GALNT8: variants seen among roughly 807,000 people sequenced by gnomAD.
GALNT8 encodes the protein probable polypeptide N-acetylgalactosaminyltransferase 8.
In GALNT8, 66 loss-of-function variants were observed where a neutral mutation model predicts 62.7. The observed-to-expected ratio is 1.05, with a 90% CI of 0.86 to 1.29. The LOEUF (loss-of-function observed/expected upper bound fraction) is 1.29. GALNT8 is among the 50% of genes most tolerant of loss of function. GALNT8 has a pLI of 0.00. For synonymous variants in GALNT8, 288 were observed against 294.3 expected (o/e 0.98, Z 0.22); for missense variants, 771 against 791.8 (o/e 0.97, Z 0.32).
At chr12:4,751,550 T>C (rs1456077151) in intron 6 of GALNT8, among the ~76,000 whole-genome samples, 1 of 152,178 alleles carries the variant, frequency 6.6e-6, no homozygotes, top group East Asian at 1.9e-4. Context: ...TTAATTTCCA[T>C]GTGTCTGTAT....
intron 1 of GALNT8, among the ~76,000 whole-genome samples, chr12:4,724,213 G>A (rs567203613): frequency 1.4e-5 from 2 of 145,124 alleles, no homozygotes; most frequent in African/African-American, 5.1e-5. Context: ...AATCATGTAA[G>A]CTACCAAGAG....
At chr12:4,742,548 T>A (rs1565384873) in intron 3 of GALNT8, among the ~76,000 whole-genome samples, 3 of 152,170 alleles carry the variant, frequency 2.0e-5, no homozygotes, top group Admixed American at 2.0e-4. Context: ...GATACCTTAA[T>A]GTGTGAAGAA....
rs1018769837 is a variant in GALNT8 at position 4,761,733 on chromosome 12, C to T, written c.1359+590C>T. ...GCCCCTGCACCCAGCCAAGGTTGGC[C>T]TTCTGAGCTAAGCCCACATCTTATA... On this transcript the variant is annotated intron_variant, in intron 7 of 10. Transcript: ENST00000252318. Among the ~76,000 whole-genome samples the T allele has an allele frequency of 1.1e-4, 17 of 152,236 alleles. No individual in the cohort carries two copies. The East Asian group carries it at 2.1e-3, about 19-fold the overall frequency.
At chr12:4,734,047 C>T (rs1362642572) in intron 2 of GALNT8, among the ~76,000 whole-genome samples, 1 of 152,174 alleles carries the variant, frequency 6.6e-6, no homozygotes, top group Non-Finnish European at 1.5e-5. Flanking sequence ...GTAAGAATAG[C>T]AGATAACCTT....
rs1017488504 is a variant in GALNT8 at position 4,749,718 on chromosome 12, A to G, written c.1173+3460A>G. 2.0e-5 allele frequency among the ~76,000 whole-genome samples: 3 copies of G among 151,692 alleles called. No homozygotes were observed. The highest frequency in any genetic ancestry group is 7.3e-5 in the African/African-American group (3 of 41,328). ...AAATGTTCCCTCCTGTATTTTTTGG[A>G]AAAATTTAAGTAGGATTGGTACTAG... On this transcript the variant is annotated intron_variant, in intron 6 of 10. Coordinates refer to ENST00000252318, the MANE Select transcript of GALNT8 (RefSeq NM_017417.2). The surrounding 1 kb of genome is among the most constrained non-coding windows in gnomAD (Gnocchi z 4.1).
chr12:4,738,361 C>T (rs1946255406), intron 2 of GALNT8, among the ~76,000 whole-genome samples: 1 of 152,110 alleles, frequency 6.6e-6, no homozygotes, highest in South Asian at 2.1e-4. Context: ...TAGGGGTTGG[C>T]AAGAGTTTCT....
intron 3 of GALNT8, among the ~76,000 whole-genome samples, chr12:4,743,580 C>T (rs543316505): frequency 1.3e-5 from 2 of 152,242 alleles, no homozygotes; most frequent in Admixed American, 1.3e-4. Context: ...GTAAACCCAA[C>T]CAGGTACTCA....
intron 6 of GALNT8, among the ~76,000 whole-genome samples, chr12:4,756,325 C>T (rs892455687): frequency 6.6e-6 from 1 of 152,186 alleles, no homozygotes; most frequent in African/African-American, 2.4e-5. Context: ...TGGAGACAGA[C>T]AGACTTAAGT....
Position 4,745,630 on chromosome 12 carries a change from A to T in GALNT8, c.1058+4A>T, listed in dbSNP as rs757932834. On this transcript the variant is annotated splice_donor_region_variant and intron_variant, in intron 5 of 10. Transcript: ENST00000252318. Reference sequence around the variant, plus strand: ...ATGATGTCACTGCCCCAGTGAAGTAAGTCTGAGGAGATTCAGGGAACTTGA... The same window carrying T: ...ATGATGTCACTGCCCCAGTGAAGTATGTCTGAGGAGATTCAGGGAACTTGA... 6.2e-7 allele frequency: 1 copy of T among 1,607,754 alleles called. No individual in the cohort carries two copies. The highest frequency in any genetic ancestry group is 1.7e-5 in the Admixed American group (1 of 59,996).
At chr12:4,744,366 A>C (rs368233751) in intron 3 of GALNT8, 151 bp from the exon 4 acceptor site, 1 of 588,890 alleles carries the variant, frequency 1.7e-6, no homozygotes, top group Non-Finnish European at 3.0e-6. Flanking sequence ...AGGCAGGTGC[A>C]GGGGAAATAC....
At chr12:4,731,769 A>T (rs1483743732) in intron 2 of GALNT8, among the ~76,000 whole-genome samples, 1 of 152,086 alleles carries the variant, frequency 6.6e-6, no homozygotes, top group African/African-American at 2.4e-5. Context: ...CATTCTGTTA[A>T]TGTGGTTTAT....
intron 6 of GALNT8, among the ~76,000 whole-genome samples, chr12:4,754,952 CTG>C (rs539322272): frequency 2.5e-4 from 38 of 152,312 alleles, no homozygotes; most frequent in African/African-American, 9.1e-4. Context: ...CCTGCTGTAA[CTG>C]AGCTGATATC....
At chr12:4,723,473 A>G (rs1473708750) in intron 1 of GALNT8, among the ~76,000 whole-genome samples, 4 of 152,154 alleles carry the variant, frequency 2.6e-5, no homozygotes, top group African/African-American at 9.7e-5. Flanking sequence ...CCCATCCCCA[A>G]GGCTCATCAC....
At chr12:4,743,473 A>C (rs1565385055) in intron 3 of GALNT8, among the ~76,000 whole-genome samples, 1 of 152,120 alleles carries the variant, frequency 6.6e-6, no homozygotes, top group Non-Finnish European at 1.5e-5. Flanking sequence ...GGTCTTGATC[A>C]CTCTAGGTCT....
At chr12:4,761,367 G>T (rs758482434) in intron 7 of GALNT8, among the ~76,000 whole-genome samples, 1 of 152,152 alleles carries the variant, frequency 6.6e-6, no homozygotes, top group Non-Finnish European at 1.5e-5. Context: ...ATATGTAGGG[G>T]ATAGGTTTTA....
In GALNT8 at chr12:4,726,410, C is replaced by G. The variant is rs1946195585; in HGVS notation, c.212-122C>G. ...CATACTACATCCTCTGTGACAAGAG[C>G]TTATAAGTTTTAAGATGTAGTGGGT... On this transcript the variant is annotated intron_variant, in intron 1 of 10. Transcript: ENST00000252318. The surrounding 1 kb of genome is among the most constrained non-coding windows in gnomAD (Gnocchi z 4.1). The G allele has an allele frequency of 2.9e-6, 2 of 682,160 alleles. No homozygotes were observed. The highest frequency in any genetic ancestry group is 4.9e-6 in the Non-Finnish European group (2 of 405,472). The allele number at this position is 682,160 out of a possible 1,614,324, so 42.3% of individuals were successfully genotyped here.
chr12:4,747,188 C>T (rs1023992010), intron 6 of GALNT8, among the ~76,000 whole-genome samples: 2 of 152,114 alleles, frequency 1.3e-5, no homozygotes, highest in Non-Finnish European at 2.9e-5. Flanking sequence ...TATCCATCCC[C>T]TCAAGCATTT....
rs755703307 is a variant in GALNT8 at position 4,760,936 on chromosome 12, A to AT, written c.1174-16dup. ...ATTCATTGGCTGTGAAGCACGGGTG[A>AT]TTTTTTGGTCTTCTTCTGCAGGTGT... On this transcript the variant is annotated intron_variant, in intron 6 of 10. Coordinates refer to ENST00000252318, the MANE Select transcript of GALNT8 (RefSeq NM_017417.2). The AT allele has an allele frequency of 9.3e-5, 149 of 1,608,560 alleles. 1 individual carries two copies. The highest frequency in any genetic ancestry group is 1.7e-4 in the Middle Eastern group (1 of 6,026).
chr12:4,738,281 G>T (rs148335454), intron 2 of GALNT8, among the ~76,000 whole-genome samples: 13 of 152,242 alleles, frequency 8.5e-5, no homozygotes, highest in Non-Finnish European at 1.6e-4. Flanking sequence ...ACACAAAATG[G>T]TCATAGATGT....
Sources: allele counts gnomAD v4.1 joint callset (sites outside exome capture counted in the v4.1 genomes callset), GRCh38; gene constraint gnomAD v4.1.1; non-coding constraint Gnocchi (gnomAD v3.1); transcripts MANE v1.5; gene names NCBI Gene and HGNC (gene_info 2026-07-23, HGNC 2026-07-21).